The following TEX14 variants were observed in gnomAD, a reference collection of about 807,000 sequenced individuals.
The protein encoded by TEX14 is testis expressed 14, intercellular bridge forming factor.
Under a neutral mutation model 178.6 loss-of-function variants are expected in TEX14, and 168 were observed. The ratio of observed to expected loss-of-function variants is 0.94; its 90% CI spans 0.83 to 1.07. TEX14 has a LOEUF of 1.07. TEX14 is among the 50% of genes least tolerant of loss of function. The pLI, the probability that TEX14 is intolerant of heterozygous loss-of-function variation, is 0.00. For synonymous variants in TEX14, 626 were observed against 634.1 expected (o/e 0.99, Z 0.19); for missense variants, 1,730 against 1,753.6 (o/e 0.99, Z 0.24).
chr17:58,662,858 G>A (rs1319770824), intron 1 of TEX14, among the ~76,000 whole-genome samples: 4 of 152,008 alleles, frequency 2.6e-5, no homozygotes, highest in African/African-American at 4.8e-5. Flanking sequence ...GGTGGCTCAC[G>A]CTTGTAATCC....
At chr17:58,666,372 A>C (rs557626412) in intron 1 of TEX14, among the ~76,000 whole-genome samples, 1 of 150,222 alleles carries the variant, frequency 6.7e-6, no homozygotes, top group Admixed American at 6.8e-5. Context: ...GGCAAAACCT[A>C]AAACAACCAA....
At position 58,556,976 on chromosome 17, in the gene TEX14, C is replaced by T; in HGVS notation, c.*35G>A. ...GGAGCTTACAACCAGGACACTCAAACTCAGGCCAGGAGTCCGTCTATGATC... is the reference window on the plus strand; with the variant it reads ...GGAGCTTACAACCAGGACACTCAAATTCAGGCCAGGAGTCCGTCTATGATC... On this transcript the variant is annotated 3_prime_UTR_variant, in exon 32 of 32. Transcript: ENST00000349033. 1.3e-6 allele frequency: 2 copies of T among 1,594,190 alleles called. No individual in the cohort carries two copies. Among genetic ancestry groups the T allele is most frequent in the South Asian group, 1.1e-5 (1 of 90,660 alleles).
chr17:58,628,689 G>A lies in TEX14; in HGVS notation c.251+1751C>T, dbSNP rs559520293. Among the ~76,000 whole-genome samples the A allele has an allele frequency of 1.1e-4, 17 of 150,656 alleles. No homozygotes were observed. The South Asian group carries it at 3.4e-3, about 30-fold the overall frequency. Reference sequence around the variant, plus strand: ...ATTGCGCCACTGCACTCCAGCCTGGGCAACAGAGTGAGACTCTGTCTCAAA... The same window carrying A: ...ATTGCGCCACTGCACTCCAGCCTGGACAACAGAGTGAGACTCTGTCTCAAA... On this transcript the variant is annotated intron_variant, in intron 3 of 31. Coordinates refer to ENST00000349033, the MANE Select transcript of TEX14 (RefSeq NM_031272.5).
intron 3 of TEX14, among the ~76,000 whole-genome samples, chr17:58,624,374 C>T (rs1407778578): frequency 1.1e-4 from 14 of 125,084 alleles, no homozygotes; most frequent in Non-Finnish European, 2.2e-4. Flanking sequence ...GAGTTTTGCT[C>T]TTGTCACCCA....
At chr17:58,631,710 C>G (rs991071652) in intron 2 of TEX14, 4 of 150,796 alleles carry the variant, frequency 2.7e-5, no homozygotes, top group African/African-American at 9.7e-5. Flanking sequence ...TAACGCAACA[C>G]CAAACACTGC....
chr17:58,671,483 T>C (rs2047302691), intron 1 of TEX14, among the ~76,000 whole-genome samples: 1 of 152,094 alleles, frequency 6.6e-6, no homozygotes, highest in South Asian at 2.1e-4. Context: ...TCCTCAGAAC[T>C]GAGAGTGTTC....
chr17:58,580,328 T>C (rs927954472), intron 19 of TEX14, among the ~76,000 whole-genome samples: 6 of 152,190 alleles, frequency 3.9e-5, no homozygotes, highest in African/African-American at 1.4e-4. Flanking sequence ...TATATATTTT[T>C]TGAGACGGAG....
intron 20 of TEX14, among the ~76,000 whole-genome samples, chr17:58,577,680 C>T (rs2044712031): frequency 6.6e-6 from 1 of 152,166 alleles, no homozygotes; most frequent in Non-Finnish European, 1.5e-5. Flanking sequence ...GAACTATATT[C>T]TGACACTCAG....
At position 58,617,560 on chromosome 17, in the gene TEX14, A is replaced by G. The variant is rs768017772; in HGVS notation, c.614T>C (p.Ile205Thr). The G allele has an allele frequency of 1.1e-5, 18 of 1,613,896 alleles. No individual in the cohort carries two copies. The highest frequency in any genetic ancestry group is 1.1e-5 in the Non-Finnish European group (13 of 1,179,848). Residue 205 changes from isoleucine to threonine, a missense_variant, in exon 6 of 32, where the codon ATC becomes ACC. Ile to Thr is a moderately conservative substitution (Grantham distance 89, BLOSUM62 -1). Coordinates refer to ENST00000349033, the MANE Select transcript of TEX14 (RefSeq NM_031272.5). ...LKAGVISAQN[I>T]YSFGFGKFYL... ...TACCTTCCCAAAACCAAAGCTGTAG[A>G]TATTTTGAGCAGAAATGACTCCAGC...
chr17:58,623,181 TACACAC>T (rs34181308), intron 3 of TEX14, among the ~76,000 whole-genome samples, 169 bp from the exon 4 acceptor site: 19,337 of 146,758 alleles, frequency 0.13, 1,781 homozygotes, highest in East Asian at 0.31. Flanking sequence ...GAACTTTCTG[TACACAC>T]ACACACACAC....
chr17:58,684,394 G>A (rs1371650649), intron 1 of TEX14, among the ~76,000 whole-genome samples: 4 of 151,650 alleles, frequency 2.6e-5, no homozygotes, highest in Admixed American at 6.6e-5. Context: ...CACGGGAGGC[G>A]GAGGTTGGAG....
At chr17:58,680,095 C>T (rs906445726) in intron 1 of TEX14, among the ~76,000 whole-genome samples, 1 of 151,954 alleles carries the variant, frequency 6.6e-6, no homozygotes, top group Admixed American at 6.6e-5. Context: ...TTTTTTCCCC[C>T]CAGAGACAAA....
At chr17:58,659,918 A>G (rs2047070896) in intron 1 of TEX14, among the ~76,000 whole-genome samples, 1 of 150,302 alleles carries the variant, frequency 6.7e-6, no homozygotes, top group African/African-American at 2.4e-5. Flanking sequence ...GCTGGTCTTG[A>G]ACTCCTGACC....
intron 19 of TEX14, among the ~76,000 whole-genome samples, 182 bp from the exon 20 acceptor site, chr17:58,579,913 C>A (rs1244976281): frequency 6.6e-6 from 1 of 152,198 alleles, no homozygotes; most frequent in East Asian, 1.9e-4. Context: ...TATGTCCTCT[C>A]CTCAGTAAGT....
At chr17:58,657,878 T>C (rs1271385597) in intron 1 of TEX14, among the ~76,000 whole-genome samples, 5 of 152,064 alleles carry the variant, frequency 3.3e-5, no homozygotes, top group Non-Finnish European at 1.5e-5. Flanking sequence ...GGTTTAGGAG[T>C]CATGCAGCTG....
chr17:58,580,469 G>A (rs577937786), intron 19 of TEX14, among the ~76,000 whole-genome samples: 13 of 152,168 alleles, frequency 8.5e-5, no homozygotes, highest in Admixed American at 3.3e-4. Context: ...CTGCCACTGC[G>A]CCCGGTTAAT....
chr17:58,607,497 A>G (rs899219722), intron 10 of TEX14, among the ~76,000 whole-genome samples: 2 of 2,182 alleles, frequency 9.2e-4, no homozygotes, highest in South Asian at 0.022. Context: ...GACATCCTCT[A>G]CTATCTGTTT....
chr17:58,661,728 T>C (rs1598427955), intron 1 of TEX14: 9 of 573,906 alleles, frequency 1.6e-5, no homozygotes, highest in Non-Finnish European at 2.8e-5. Context: ...GGCGGTGGCG[T>C]TGGGGGCGGC....
intron 21 of TEX14, among the ~76,000 whole-genome samples, chr17:58,576,472 C>CGGTG (rs1209989689): frequency 6.6e-6 from 1 of 151,688 alleles, no homozygotes; most frequent in Non-Finnish European, 1.5e-5. Context: ...CACGCCACTG[C>CGGTG]AGTGAGCTGA....
Sources: gnomAD v4.1 joint callset for allele counts (sites outside exome capture counted in the v4.1 genomes callset) on GRCh38, gnomAD v4.1.1 for gene constraint, MANE v1.5 for transcripts, NCBI Gene and HGNC (gene_info 2026-07-23, HGNC 2026-07-21) for gene names.